Variants in LRRC7 observed in about 807,000 individuals in gnomAD.
The protein encoded by LRRC7 is leucine-rich repeat-containing protein 7.
LRRC7 carries 23 observed loss-of-function variants against 175.7 expected under a neutral mutation model. The observed-to-expected ratio is 0.13, with a 90% CI of 0.09 to 0.19. The LOEUF is 0.19. Among genes scored for constraint, LRRC7 ranks in the 10% least tolerant of loss-of-function variants. The probability of loss-of-function intolerance (pLI) is 1.00; values close to 1 mark genes in which losing one functional copy is unlikely to be tolerated. For synonymous variants in LRRC7, 685 were observed against 680.9 expected, an observed-to-expected ratio of 1.01 and a Z score of -0.09; for missense variants, 1,354 against 1,904.7, an observed-to-expected ratio of 0.71 and a Z score of 5.38.
intron 25 of LRRC7, among the ~76,000 whole-genome samples, chr1:70,090,980 A>T (rs1235851557): frequency 6.6e-6 from 1 of 152,056 alleles, no homozygotes; most frequent in Non-Finnish European, 1.5e-5. Context: ...GGTTGGTCCA[A>T]AAGGAAGAAT....
At chr1:69,628,959 A>C (rs1290418224) in intron 1 of LRRC7, among the ~76,000 whole-genome samples, 2 of 152,160 alleles carry the variant, frequency 1.3e-5, no homozygotes, top group Admixed American at 1.3e-4. Flanking sequence ...ACCCTTCACA[A>C]AAAATAGCTC....
intron 3 of LRRC7, among the ~76,000 whole-genome samples, chr1:69,780,755 C>G (rs1673394084): frequency 6.6e-6 from 1 of 152,092 alleles, no homozygotes; most frequent in South Asian, 2.1e-4. Context: ...AACTGAACAT[C>G]TTTAAAGGAA....
intron 4 of LRRC7, among the ~76,000 whole-genome samples, chr1:69,825,077 G>A (rs1054175418): frequency 3.2e-4 from 48 of 152,126 alleles, no homozygotes; most frequent in African/African-American, 1.1e-3. Context: ...CAGTAGCACA[G>A]CTGTGACAGC....
chr1:69,765,346 G>C (rs1295053093), intron 3 of LRRC7, among the ~76,000 whole-genome samples: 1 of 152,098 alleles, frequency 6.6e-6, no homozygotes, highest in Non-Finnish European at 1.5e-5. Flanking sequence ...CAGAATCTCA[G>C]TGGATAACTG....
At chr1:70,078,838 A>G (rs1305237861) in intron 24 of LRRC7, among the ~76,000 whole-genome samples, 2 of 151,846 alleles carry the variant, frequency 1.3e-5, no homozygotes, top group Admixed American at 6.6e-5. Flanking sequence ...ACACACACAC[A>G]CACACACACA....
At chr1:69,775,616 T>C (rs1292845172) in intron 3 of LRRC7, among the ~76,000 whole-genome samples, 1 of 152,196 alleles carries the variant, frequency 6.6e-6, no homozygotes, top group East Asian at 1.9e-4. Context: ...AATTCATATA[T>C]AGACATTTGC....
intron 4 of LRRC7, among the ~76,000 whole-genome samples, chr1:69,801,366 A>G (rs1396495219): frequency 6.6e-6 from 1 of 151,290 alleles, no homozygotes; most frequent in Non-Finnish European, 1.5e-5. Flanking sequence ...TTTTGGGGAG[A>G]TGCCTTATTA....
At chr1:70,070,994 T>C (rs931281002) in intron 23 of LRRC7, among the ~76,000 whole-genome samples, 2 of 152,130 alleles carry the variant, frequency 1.3e-5, no homozygotes, top group Non-Finnish European at 2.9e-5. Context: ...GCAGAAGTGT[T>C]TGTATGCCTT....
At chr1:69,956,771 TAAAAC>T in intron 8 of LRRC7, among the ~76,000 whole-genome samples, 1 of 151,574 alleles carries the variant, frequency 6.6e-6, no homozygotes, top group East Asian at 1.9e-4. Flanking sequence ...AATAATAAAA[TAAAAC>T]AAATATGAAA....
intron 2 of LRRC7, among the ~76,000 whole-genome samples, chr1:69,714,145 A>G (rs1240218850): frequency 6.6e-6 from 1 of 151,866 alleles, no homozygotes; most frequent in African/African-American, 2.4e-5. Context: ...TCCTTCTGCC[A>G]CTCCCAGACA....
At chr1:70,097,791 T>A (rs1445664821) in intron 25 of LRRC7, among the ~76,000 whole-genome samples, 2 of 151,640 alleles carry the variant, frequency 1.3e-5, no homozygotes, top group Non-Finnish European at 2.9e-5. Context: ...GGACATGAAC[T>A]CATCATTTTT....
chr1:69,756,331 AT>A (rs949298056), intron 2 of LRRC7, among the ~76,000 whole-genome samples: 1 of 151,820 alleles, frequency 6.6e-6, no homozygotes, highest in African/African-American at 2.4e-5. Flanking sequence ...CAGAAAAATG[AT>A]TTTTTTTAAA....
chr1:70,140,805 CAA>C lies in LRRC7; in HGVS notation c.*18920_*18921del, dbSNP rs1299343385. ...AGGCCCTCCTATCCAATCACAGCCA[CAA>C]AGACTGAATATTTTGGTTCAGATGG... is the stretch of plus-strand genomic sequence containing the variant. On this transcript the variant is annotated 3_prime_UTR_variant, in exon 27 of 27. Coordinates refer to ENST00000651989, the MANE Select transcript of LRRC7 (RefSeq NM_001370785.2). Among the ~76,000 whole-genome samples the C allele has an allele frequency of 1.3e-5, 2 of 152,122 alleles. No homozygotes were observed. Among genetic ancestry groups the C allele is most frequent in the Admixed American group, 1.3e-4 (2 of 15,250 alleles).
chr1:69,591,799 A>G (rs888633052), intron 1 of LRRC7, among the ~76,000 whole-genome samples: 11 of 151,998 alleles, frequency 7.2e-5, no homozygotes, highest in African/African-American at 1.4e-4. Flanking sequence ...ATTCTTATTA[A>G]TGAGTCATTA....
Position 69,972,868 on chromosome 1 carries a change from C to A in LRRC7, c.712-7511C>A, listed in dbSNP as rs569098086. On this transcript the variant is annotated intron_variant, in intron 8 of 26. Transcript: ENST00000651989. ...CAATTGCAAAAACATGGAACCAACC[C>A]GAGTGCCCATCAATGAGTGGATAGG... Among the ~76,000 whole-genome samples the A allele has an allele frequency of 2.4e-3, 359 of 149,918 alleles. 3 individuals carry two copies. Among genetic ancestry groups the A allele is most frequent in the Non-Finnish European group, 3.6e-3 (243 of 67,630 alleles).
chr1:69,602,044 G>T (rs1625490), intron 1 of LRRC7, among the ~76,000 whole-genome samples: 23,028 of 152,058 alleles, frequency 0.15, 1,927 homozygotes, highest in Admixed American at 0.19. Flanking sequence ...AGTTCAACGA[G>T]AATCTTAAGA....
intron 14 of LRRC7, among the ~76,000 whole-genome samples, chr1:70,017,266 G>GAA (rs532410727): frequency 0.025 from 2,731 of 107,906 alleles, 76 homozygotes; most frequent in African/African-American, 0.085. Context: ...CTCTGTCTCA[G>GAA]AAAAAAAAAA....
intron 22 of LRRC7, among the ~76,000 whole-genome samples, chr1:70,045,121 C>G (rs1193784644): frequency 6.6e-6 from 1 of 151,558 alleles, no homozygotes; most frequent in Non-Finnish European, 1.5e-5. Flanking sequence ...AGTAGAATAA[C>G]AAAATCAAGA....
At chr1:69,788,958 C>T (rs780335977) in intron 3 of LRRC7, among the ~76,000 whole-genome samples, 6 of 152,128 alleles carry the variant, frequency 3.9e-5, no homozygotes, top group Non-Finnish European at 7.4e-5. Context: ...CCGCACTTAG[C>T]ATAGTGTCTA....
Sources: gnomAD v4.1 joint callset for allele counts (sites outside exome capture counted in the v4.1 genomes callset) on GRCh38, gnomAD v4.1.1 for gene constraint, MANE v1.5 for transcripts, NCBI Gene and HGNC (gene_info 2026-07-23, HGNC 2026-07-21) for gene names.